SYNE2: variants seen among roughly 807,000 people sequenced by gnomAD.
SYNE2 encodes spectrin repeat containing nuclear envelope protein 2.
Under a neutral mutation model 856.3 loss-of-function variants are expected in SYNE2, and 431 were observed. The observed-to-expected ratio is 0.50, with a 90% confidence interval of 0.47 to 0.55. The LOEUF (loss-of-function observed/expected upper bound fraction) is 0.55. Among genes scored for constraint, SYNE2 ranks in the 20% least tolerant of loss-of-function variants. SYNE2 has a pLI of 0.00. For synonymous variants in SYNE2, 2,923 were observed against 2,872.3 expected (o/e 1.02, Z -0.56); for missense variants, 8,129 against 8,023.2 (o/e 1.01, Z -0.50).
At chr14:63,830,856 T>TC (rs1889641237) in intron 1 of SYNE2, among the ~76,000 whole-genome samples, 1 of 147,998 alleles carries the variant, frequency 6.8e-6, no homozygotes, top group African/African-American at 2.5e-5. Context: ...TTTTTTTTTT[T>TC]TTTTGTGAGA....
chr14:63,889,574 C>G lies in SYNE2; in HGVS notation c.-51-19524C>G, dbSNP rs1160519871. 2.0e-5 allele frequency among the ~76,000 whole-genome samples: 3 copies of G among 151,958 alleles called. No homozygotes were observed. In the East Asian group the frequency reaches 5.8e-4, roughly 29 times the overall value. On this transcript the variant is annotated intron_variant, in intron 1 of 115. Coordinates refer to ENST00000555002, the MANE Select transcript of SYNE2 (RefSeq NM_182914.3). ...CACTTTAGCCTCAAACTCCTGAGCTCAAGGGATTCTTTTTTTTTCAGCCTC... is the reference window on the plus strand; with the variant it reads ...CACTTTAGCCTCAAACTCCTGAGCTGAAGGGATTCTTTTTTTTTCAGCCTC...
At chr14:64,221,502 G>A (rs749798810) in intron 111 of SYNE2, 74 bp from the exon 112 acceptor site, 16 of 1,614,064 alleles carry the variant, frequency 9.9e-6, no homozygotes, top group Non-Finnish European at 1.2e-5. Context: ...ATTGGAAGCA[G>A]TAAGCCATGT....
At chr14:63,882,510 G>C (rs181532429) in intron 1 of SYNE2, among the ~76,000 whole-genome samples, 1 of 151,436 alleles carries the variant, frequency 6.6e-6, no homozygotes, top group Admixed American at 6.6e-5. Flanking sequence ...CAGTCCAGGA[G>C]TTCGAGACCA....
chr14:63,761,881 C>A, upstream of SYNE2: 1 of 218,170 alleles, frequency 4.6e-6, no homozygotes, highest in Non-Finnish European at 9.6e-6. Context: ...TAAACCAGCC[C>A]GAGCGGCGGC....
chr14:63,792,387 C>G (rs1887766889), intron 1 of SYNE2, among the ~76,000 whole-genome samples: 1 of 152,080 alleles, frequency 6.6e-6, no homozygotes, highest in South Asian at 2.1e-4. Flanking sequence ...AACCCCATCT[C>G]TACTAAAAAT....
chr14:64,054,181 T>G (rs997649531), intron 48 of SYNE2, among the ~76,000 whole-genome samples: 5 of 152,226 alleles, frequency 3.3e-5, no homozygotes, highest in Non-Finnish European at 7.3e-5. Context: ...CCTTCTAGTT[T>G]AGAAAAGGAC....
Position 64,074,145 on chromosome 14 carries a change from G to A in SYNE2, c.10866+9G>A. 6.2e-7 allele frequency: 1 copy of A among 1,613,642 alleles called. No individual in the cohort carries two copies. The highest frequency in any genetic ancestry group is 8.5e-7 in the Non-Finnish European group (1 of 1,179,528). ...AGTCAGAACAATTTGAGGTAAGTGA[G>A]GAATGAATTAGTGAATGTGGCAGGT... On this transcript the variant is annotated intron_variant, in intron 53 of 115. Transcript: ENST00000555002.
intron 1 of SYNE2, among the ~76,000 whole-genome samples, chr14:63,773,131 T>C (rs1886982071): frequency 1.3e-5 from 2 of 151,400 alleles, no homozygotes; most frequent in Admixed American, 1.3e-4. Context: ...TTATTATTCA[T>C]ATAATAAATT....
At chr14:64,146,358 C>A in intron 84 of SYNE2, 135 bp downstream of exon 84, 1 of 798,294 alleles carries the variant, frequency 1.3e-6, no homozygotes, top group Non-Finnish European at 1.8e-6. Flanking sequence ...TTTCTTATGT[C>A]AATTAGATAA....
chr14:63,922,082 T>C (rs2095607430), intron 2 of SYNE2, among the ~76,000 whole-genome samples: 1 of 152,180 alleles, frequency 6.6e-6, no homozygotes. Context: ...CGGCTCACTG[T>C]GGCCTTGACC....
chr14:64,214,092 C>A, intron 105 of SYNE2, 102 bp from the exon 106 acceptor site: 6 of 1,555,208 alleles, frequency 3.9e-6, no homozygotes, highest in Non-Finnish European at 4.4e-6. Context: ...ATACTATTGG[C>A]AGTTATTTTT....
rs1256688390 is a variant in SYNE2 at position 64,034,532 on chromosome 14, C to A, written c.7221+3175C>A. On this transcript the variant is annotated intron_variant, in intron 45 of 115. Coordinates refer to ENST00000555002, the MANE Select transcript of SYNE2 (RefSeq NM_182914.3). ...ATGTGATGGCAGTTTCCAAAAATTGCCATCATAGCATGTATATATTTGAAT... is the reference window on the plus strand; with the variant it reads ...ATGTGATGGCAGTTTCCAAAAATTGACATCATAGCATGTATATATTTGAAT... 5.8e-6 allele frequency: 3 copies of A among 514,908 alleles called. No homozygotes were observed. In the East Asian group the frequency reaches 9.3e-5, roughly 16 times the overall value. 31.9% of individuals were successfully genotyped at this position (514,908 alleles called of 1,614,324 possible).
intron 1 of SYNE2, among the ~76,000 whole-genome samples, chr14:63,835,163 A>G (rs979271251): frequency 2.6e-5 from 4 of 152,204 alleles, no homozygotes; most frequent in African/African-American, 9.6e-5. Flanking sequence ...ACCAGTTATC[A>G]TGGATATGTA....
At chr14:63,910,291 A>G (rs2095457939) in intron 2 of SYNE2, among the ~76,000 whole-genome samples, 1 of 152,162 alleles carries the variant, frequency 6.6e-6, no homozygotes, top group African/African-American at 2.4e-5. Flanking sequence ...TTGATGCCAT[A>G]TTGAGTGATT....
rs778704608 is a variant in SYNE2 at position 64,143,969 on chromosome 14, T to C, written c.15483+21T>C. On this transcript the variant is annotated intron_variant, in intron 83 of 115. Coordinates refer to ENST00000555002, the MANE Select transcript of SYNE2 (RefSeq NM_182914.3). ...GAAAGGTGTGTTCCTGCGTCACAAC[T>C]GGATGTGTGGTTTGACCTTTATGAA... The C allele has an allele frequency of 2.8e-5, 45 of 1,613,924 alleles. 1 individual carries two copies. The East Asian group carries it at 1.0e-3, about 36-fold the overall frequency.
intron 51 of SYNE2, among the ~76,000 whole-genome samples, chr14:64,066,061 A>G (rs1029983865): frequency 1.3e-5 from 2 of 152,242 alleles, no homozygotes; most frequent in African/African-American, 2.4e-5. Flanking sequence ...TAATTGTTAA[A>G]TGTGGACCTA....
chr14:64,038,411 A>G (rs2097118775), intron 45 of SYNE2, among the ~76,000 whole-genome samples: 1 of 152,264 alleles, frequency 6.6e-6, no homozygotes, highest in Non-Finnish European at 1.5e-5. Flanking sequence ...GCGGCCCGGC[A>G]GAGACACTCC....
chr14:63,909,301 C>A (rs764674212), intron 2 of SYNE2, 74 bp downstream of exon 2: 2 of 988,980 alleles, frequency 2.0e-6, no homozygotes, highest in Non-Finnish European at 3.2e-6. Context: ...GCAAGTCACA[C>A]TGATTTTCGT....
intron 32 of SYNE2, among the ~76,000 whole-genome samples, chr14:64,013,876 A>G (rs1328438515): frequency 6.6e-6 from 1 of 152,120 alleles, no homozygotes; most frequent in Non-Finnish European, 1.5e-5. Flanking sequence ...TCCTGTATTG[A>G]GTTTCCCCAA....
Sources: allele counts gnomAD v4.1 joint callset (sites outside exome capture counted in the v4.1 genomes callset), GRCh38; gene constraint gnomAD v4.1.1; transcripts MANE v1.5; gene names NCBI Gene and HGNC (gene_info 2026-07-23, HGNC 2026-07-21).